Variants in XKR4 observed in about 807,000 individuals in gnomAD.
XKR4 encodes the protein XK related 4.
Under a neutral mutation model 53.9 loss-of-function variants are expected in XKR4, and 12 were observed. The observed-to-expected ratio is 0.22, with a 90% CI of 0.14 to 0.36. XKR4 has a LOEUF of 0.36. Ranked by LOEUF, XKR4 falls within the 10% of genes least tolerant of loss-of-function variation. The probability of loss-of-function intolerance (pLI) is 1.00; values close to 1 mark genes in which losing one functional copy is unlikely to be tolerated. For synonymous variants in XKR4, 354 were observed against 362.4 expected, an observed-to-expected ratio of 0.98 and a Z score of 0.26; for missense variants, 799 against 859.5, an observed-to-expected ratio of 0.93 and a Z score of 0.88.
In XKR4 at chr8:55,449,900, G is replaced by A. The variant is rs115991073; in HGVS notation, c.1007-73381G>A. 4.2e-3 allele frequency: 3,749 copies of A among 892,812 alleles called. 98 individuals carry two copies. In the African/African-American group the frequency reaches 0.054, roughly 13 times the overall value. 55.3% of individuals were successfully genotyped at this position (892,812 alleles called of 1,614,324 possible). A position where few individuals can be genotyped will look rare whatever the true frequency, so the allele number is the denominator to read the frequency against. On this transcript the variant is annotated intron_variant, in intron 2 of 2. Transcript: ENST00000327381. ...CTGGTGCTGCCGCAGGCAGCCTGGC[G>A]GGAGCCAGATGCGGTCGAGCCTCTA...
chr8:55,437,812 A>T (rs1218831681), intron 2 of XKR4, among the ~76,000 whole-genome samples: 1 of 152,192 alleles, frequency 6.6e-6, no homozygotes, highest in Non-Finnish European at 1.5e-5. Flanking sequence ...AAAAGGAAAC[A>T]TTGAGTGAGC....
At chr8:55,235,978 G>A (rs1190136089) in intron 1 of XKR4, among the ~76,000 whole-genome samples, 1 of 152,192 alleles carries the variant, frequency 6.6e-6, no homozygotes, top group African/African-American at 2.4e-5. Context: ...AAATTGTTCA[G>A]AGGTGTCTTT....
chr8:55,141,828 T>C lies in XKR4; in HGVS notation c.806+38534T>C, dbSNP rs542537718. Among the ~76,000 whole-genome samples, 284 of 152,022 alleles carry C rather than the reference T, an allele frequency of 1.9e-3. 2 individuals carry two copies. The highest frequency in any genetic ancestry group is 3.1e-3 in the Non-Finnish European group (213 of 67,988). ...GAAAAGAAAATGAGTTGACTTGGAC[T>C]GAATTGGGGCTTTGAATCAAGCAGC... On this transcript the variant is annotated intron_variant, in intron 1 of 2. Transcript: ENST00000327381.
chr8:55,325,465 T>C (rs1041639775), intron 1 of XKR4, among the ~76,000 whole-genome samples: 5 of 152,186 alleles, frequency 3.3e-5, no homozygotes, highest in African/African-American at 1.2e-4. Context: ...ATTTACTGTA[T>C]TGGCATGAGC....
At position 55,378,674 on chromosome 8, in the gene XKR4, A is replaced by G. The variant is rs772480795; in HGVS notation, c.1006+20797A>G. Among the ~76,000 whole-genome samples the G allele has an allele frequency of 2.6e-5, 4 of 152,292 alleles. No homozygotes were observed. In the South Asian group the frequency reaches 8.3e-4, roughly 32 times the overall value. Reference sequence around the variant, plus strand: ...GAAATTGCCTATACTCACAATAAAAACTTACATAAAAAGGTGGAGAGAGAG... The same window carrying G: ...GAAATTGCCTATACTCACAATAAAAGCTTACATAAAAAGGTGGAGAGAGAG... On this transcript the variant is annotated intron_variant, in intron 2 of 2. Transcript: ENST00000327381.
chr8:55,515,821 G>A (rs886376806), intron 2 of XKR4, among the ~76,000 whole-genome samples: 3 of 152,164 alleles, frequency 2.0e-5, no homozygotes, highest in Non-Finnish European at 4.4e-5. Context: ...GCCTAAAGAG[G>A]GGGCAAGAGT....
chr8:55,339,969 G>C (rs954203711), intron 1 of XKR4, among the ~76,000 whole-genome samples: 29 of 152,164 alleles, frequency 1.9e-4, no homozygotes, highest in African/African-American at 6.3e-4. Context: ...ATTGTCCACT[G>C]GTGTTGCTAA....
At chr8:55,453,035 G>A (rs1431888395) in intron 2 of XKR4, 4 of 622,748 alleles carry the variant, frequency 6.4e-6, no homozygotes, top group Non-Finnish European at 1.2e-5. Flanking sequence ...TCATCCTCCT[G>A]GGAAGGTGCC....
intron 2 of XKR4, among the ~76,000 whole-genome samples, chr8:55,506,254 G>A (rs1314850243): frequency 6.6e-6 from 1 of 152,212 alleles, no homozygotes; most frequent in African/African-American, 2.4e-5. Context: ...GTGATGTAAG[G>A]AGAGGACTCC....
intron 1 of XKR4, among the ~76,000 whole-genome samples, chr8:55,334,030 T>A (rs191143781): frequency 1.5e-4 from 23 of 152,318 alleles, no homozygotes; most frequent in Middle Eastern, 3.4e-3. Context: ...AGAACAAGGA[T>A]CTGGAGTTTC....
At chr8:55,472,872 G>A (rs548411236) in intron 2 of XKR4, among the ~76,000 whole-genome samples, 7 of 152,016 alleles carry the variant, frequency 4.6e-5, no homozygotes, top group Non-Finnish European at 7.4e-5. Context: ...TTACAGAAGC[G>A]TTGTCTTATG....
rs1298435757 is a variant in XKR4, at chr8:55,523,557, G to C, written c.1283G>C (p.Trp428Ser). ...HCETEFCITKWEEIVFDMVVG... is the reference protein window; with the variant it reads ...HCETEFCITKSEEIVFDMVVG... ...GAGACAGAATTCTGTATCACCAAATGGGAAGAGATTGTGTTCGACATGGTG... is the reference window on the plus strand; with the variant it reads ...GAGACAGAATTCTGTATCACCAAATCGGAAGAGATTGTGTTCGACATGGTG... The change falls in exon 3 of 3, where the codon TGG (tryptophan) becomes TCG (serine). Residue 428 changes from tryptophan (W) to serine (S), a missense_variant. Transcript: ENST00000327381. 3 of 1,614,140 alleles carry C rather than the reference G, an allele frequency of 1.9e-6. No individual in the cohort carries two copies. Among genetic ancestry groups the C allele is most frequent in the South Asian group, 2.2e-5 (2 of 91,082 alleles).
intron 2 of XKR4, among the ~76,000 whole-genome samples, chr8:55,415,337 G>A (rs187002289): frequency 3.9e-5 from 6 of 152,200 alleles, no homozygotes; most frequent in African/African-American, 4.8e-5. Flanking sequence ...TTAGACATTG[G>A]CAGAGACTGG....
chr8:55,449,467 G>A (rs1030412343), intron 2 of XKR4: 6 of 948,970 alleles, frequency 6.3e-6, no homozygotes, highest in South Asian at 4.4e-5. Flanking sequence ...CCTAGTGGTC[G>A]GTAACGACTG....
chr8:55,329,050 G>A (rs1414809626), intron 1 of XKR4, among the ~76,000 whole-genome samples: 1 of 152,084 alleles, frequency 6.6e-6, no homozygotes, highest in Non-Finnish European at 1.5e-5. Context: ...GAACAAGGTG[G>A]CCCCTCAGTG....
intron 1 of XKR4, among the ~76,000 whole-genome samples, chr8:55,144,714 G>A (rs936682684): frequency 1.3e-5 from 2 of 152,070 alleles, no homozygotes; most frequent in Non-Finnish European, 2.9e-5. Context: ...TTTGAGCTCT[G>A]CCCTGTGTAA....
At position 55,103,053 on chromosome 8, in the gene XKR4, G is replaced by A. The variant is rs1816076943; in HGVS notation, c.565G>A (p.Gly189Arg). 1 of 1,612,874 alleles carries A rather than the reference G, an allele frequency of 6.2e-7. No homozygotes were observed. The highest frequency in any genetic ancestry group is 8.5e-7 in the Non-Finnish European group (1 of 1,179,766). Residue 189 changes from glycine to arginine, a missense_variant, in exon 1 of 3, where the codon GGA becomes AGA. Transcript: ENST00000327381. ...TGCTGCCTCCAGCTGCCCGCAGCCT[G>A]GAGCCGATTGCAAGACGGTGGTCGG... ...AAAASSCPQPGADCKTVVGGG... is the reference protein window; with the variant it reads ...AAAASSCPQPRADCKTVVGGG...
intron 1 of XKR4, among the ~76,000 whole-genome samples, chr8:55,321,162 C>T (rs1353673420): frequency 6.6e-6 from 1 of 152,126 alleles, no homozygotes; most frequent in African/African-American, 2.4e-5. Context: ...CTTCTTATAA[C>T]ACCTAAACCA....
chr8:55,343,752 T>A (rs916876768), intron 1 of XKR4, among the ~76,000 whole-genome samples: 1 of 152,194 alleles, frequency 6.6e-6, no homozygotes, highest in African/African-American at 2.4e-5. Context: ...TTATTCTCCA[T>A]CTTTGCACAA....
Sources: gnomAD v4.1 joint callset for allele counts (sites outside exome capture counted in the v4.1 genomes callset) on GRCh38, gnomAD v4.1.1 for gene constraint, MANE v1.5 for transcripts, NCBI Gene and HGNC (gene_info 2026-07-23, HGNC 2026-07-21) for gene names.